Variants in CLCN6 observed in about 807,000 individuals in gnomAD.
CLCN6 encodes the protein Cl-/H+ antiporter 6, also known as H(+)/Cl(-) exchange transporter 6.
CLCN6 carries 70 observed loss-of-function variants against 109.8 expected under a neutral mutation model. The observed-to-expected ratio is 0.64, with a 90% CI of 0.53 to 0.78. The LOEUF is 0.78. CLCN6 is among the 30% of genes least tolerant of loss of function. The pLI is 0.00. For missense variants in CLCN6, 984 were observed against 1,142.3 expected, an observed-to-expected ratio of 0.86 and a Z score of 2.00; for synonymous variants, 444 against 447.8, an observed-to-expected ratio of 0.99 and a Z score of 0.11.
In CLCN6 at chr1:11,840,314, G is replaced by A. The variant is rs1046048766; in HGVS notation, c.*91G>A. On this transcript the variant is annotated 3_prime_UTR_variant, in exon 23 of 23. Transcript: ENST00000346436. The stretch of plus-strand genomic sequence containing the variant: ...GCTGGCTGGGGCTGTTCCGGGGCAT[G>A]GAAGATTCCCAGTCACCCACTCACT... 1.3e-5 allele frequency: 15 copies of A among 1,141,504 alleles called. No homozygotes were observed. In the African/African-American group the frequency reaches 1.5e-4, roughly 12 times the overall value. The allele number at this position is 1,141,504 out of a possible 1,614,324, so 70.7% of individuals were successfully genotyped here. A position where few individuals can be genotyped will look rare whatever the true frequency, so the allele number is the denominator to read the frequency against.
rs142274304 is a variant in CLCN6 at position 11,842,890 on chromosome 1, C to T, written c.*2667C>T. 3 of 152,394 alleles carry T rather than the reference C, an allele frequency of 2.0e-5. No individual in the cohort carries two copies. Among genetic ancestry groups the T allele is most frequent in the Non-Finnish European group, 2.9e-5 (2 of 68,058 alleles). The allele number at this position is 152,394 out of a possible 1,614,324, so 9.4% of individuals were successfully genotyped here. ...CCTTTCGAGAGGCCCAAGGTGGCCT[C>T]GCCAGCCCTGCAGTATTGATGTGCA... On this transcript the variant is annotated 3_prime_UTR_variant, in exon 23 of 23. Transcript: ENST00000346436.
At chr1:11,833,855 C>T (rs1570538242) in intron 14 of CLCN6, 22 bp from the exon 15 acceptor site, 1 of 1,601,620 alleles carries the variant, frequency 6.2e-7, no homozygotes, top group Non-Finnish European at 8.5e-7. Flanking sequence ...TAGTGGGACT[C>T]AGGTTGGCTC....
intron 9 of CLCN6, 91 bp downstream of exon 9, chr1:11,826,305 A>G (rs1644810795): frequency 7.2e-6 from 8 of 1,114,950 alleles, no homozygotes; most frequent in Non-Finnish European, 9.5e-6. Flanking sequence ...GCCTGGCAGT[A>G]TCCCCTGCGG....
intron 9 of CLCN6, 106 bp downstream of exon 9, chr1:11,826,320 A>G: frequency 1.1e-6 from 1 of 926,136 alleles, no homozygotes; most frequent in Non-Finnish European, 1.7e-6. Context: ...CTGCGGGGAA[A>G]CCCGACTGGG....
chr1:11,820,101 T>C (rs563551350), intron 5 of CLCN6, among the ~76,000 whole-genome samples: 23 of 152,344 alleles, frequency 1.5e-4, no homozygotes, highest in Non-Finnish European at 2.8e-4. Flanking sequence ...CATGGAACTT[T>C]GGTGAATGAC....
rs2100658502 is a variant in CLCN6 at position 11,837,106 on chromosome 1, T to C, written c.2088T>C (p.Ser696=). 6.2e-7 allele frequency: 1 copy of C among 1,613,382 alleles called. No individual in the cohort carries two copies. Among genetic ancestry groups the C allele is most frequent in the Non-Finnish European group, 8.5e-7 (1 of 1,180,004 alleles). The part of the protein sequence containing the change: ...LRNMCDEHIA[S]EEPAEKEDLL... ...ACATGTGTGATGAGCACATCGCCTCTGAGGAGCCAGCCGAGAAGGAGGACC... is the reference window on the plus strand; with the variant it reads ...ACATGTGTGATGAGCACATCGCCTCCGAGGAGCCAGCCGAGAAGGAGGACC... The change falls in exon 19 of 23, where the codon TCT becomes TCC. Residue 696 remains serine, a synonymous_variant. Transcript: ENST00000346436.
rs1054870809 is a variant in CLCN6, at chr1:11,840,303, T to C, written c.*80T>C. The C allele has an allele frequency of 4.0e-6, 5 of 1,239,326 alleles. No homozygotes were observed. In the African/African-American group the frequency reaches 7.4e-5, roughly 18 times the overall value. The allele number at this position is 1,239,326 out of a possible 1,614,324, so 76.8% of individuals were successfully genotyped here. A position where few individuals can be genotyped will look rare whatever the true frequency, so the allele number is the denominator to read the frequency against. On this transcript the variant is annotated 3_prime_UTR_variant, in exon 23 of 23. Transcript: ENST00000346436. ...CGGCGGGCACAGCTGGCTGGGGCTG[T>C]TCCGGGGCATGGAAGATTCCCAGTC...
chr1:11,829,113 G>C lies in CLCN6; in HGVS notation c.1122-83G>C. 4 of 1,525,892 alleles carry C rather than the reference G, an allele frequency of 2.6e-6. No individual in the cohort carries two copies. In the Admixed American group the frequency reaches 5.4e-5, roughly 21 times the overall value. The allele number at this position is 1,525,892 out of a possible 1,614,324, so 94.5% of individuals were successfully genotyped here. A position where few individuals can be genotyped will look rare whatever the true frequency, so the allele number is the denominator to read the frequency against. On this transcript the variant is annotated intron_variant, in intron 12 of 22. Coordinates refer to ENST00000346436, the MANE Select transcript of CLCN6 (RefSeq NM_001286.5). Reference sequence around the variant, plus strand: ...AATGCTGTTTGGAGAAATCGGGGCTGGGGGTAGGCAGGGTTATGTTTTGAA... The same window carrying C: ...AATGCTGTTTGGAGAAATCGGGGCTCGGGGTAGGCAGGGTTATGTTTTGAA...
chr1:11,806,829 C>T (rs1374445691), intron 1 of CLCN6: 2 of 408,440 alleles, frequency 4.9e-6, no homozygotes, highest in Non-Finnish European at 8.8e-6. Flanking sequence ...AGATACGTCA[C>T]ACTGTCAAAT....
intron 2 of CLCN6, among the ~76,000 whole-genome samples, chr1:11,812,406 A>T (rs1389042434): frequency 6.6e-6 from 1 of 150,664 alleles, no homozygotes; most frequent in Non-Finnish European, 1.5e-5. Context: ...AAGCTCTCTG[A>T]ACCTTGTCAT....
Position 11,816,328 on chromosome 1 carries a change from G to C in CLCN6, c.214-287G>C, listed in dbSNP as rs111847046. ...ACTTTATTGTGATATTTGCTTTATT[G>C]TGGTGGTCTAGAACCAAACCCATGC... is the stretch of plus-strand genomic sequence containing the variant. On this transcript the variant is annotated intron_variant, in intron 3 of 22. Coordinates refer to ENST00000346436, the MANE Select transcript of CLCN6 (RefSeq NM_001286.5). 3.6e-3 allele frequency among the ~76,000 whole-genome samples: 543 copies of C among 152,228 alleles called. 1 individual carries two copies. Among genetic ancestry groups the C allele is most frequent in the African/African-American group, 0.013 (525 of 41,518 alleles).
chr1:11,811,886 T>G (rs551715752), intron 2 of CLCN6, among the ~76,000 whole-genome samples: 3 of 152,194 alleles, frequency 2.0e-5, no homozygotes, highest in Non-Finnish European at 4.4e-5. Flanking sequence ...ATGAAGTACT[T>G]GACCAGTAAT....
chr1:11,830,187 G>T (rs547180631), intron 13 of CLCN6: 1 of 151,888 alleles, frequency 6.6e-6, no homozygotes, highest in Non-Finnish European at 1.5e-5. Flanking sequence ...GTGTTCTTTC[G>T]GTCCAACCCG....
At chr1:11,812,920 A>G (rs1054355650) in intron 2 of CLCN6, among the ~76,000 whole-genome samples, 1 of 152,138 alleles carries the variant, frequency 6.6e-6, no homozygotes, top group African/African-American at 2.4e-5. Flanking sequence ...ATTAAAACTC[A>G]TCTTACAGAG....
At chr1:11,821,093 A>AAC (rs1644736661) in intron 5 of CLCN6, among the ~76,000 whole-genome samples, 1 of 151,942 alleles carries the variant, frequency 6.6e-6, no homozygotes, top group African/African-American at 2.4e-5. Flanking sequence ...ACAACAAAAA[A>AAC]AAAAAACAAA....
chr1:11,829,308 T>C lies in CLCN6; in HGVS notation c.1234T>C (p.Ser412Pro). 1.2e-6 allele frequency: 2 copies of C among 1,614,130 alleles called. No homozygotes were observed. The highest frequency in any genetic ancestry group is 1.7e-6 in the Non-Finnish European group (2 of 1,179,996). Reference protein sequence around the residue: ...MSSSSQIGNDSFQLQVTEDVN... With the variant: ...MSSSSQIGNDPFQLQVTEDVN... ...CTCTTCGAGTCAAATCGGTAATGAC[T>C]CATTCCAGCTCCAGGTAACCCCAGT... The change falls in exon 13 of 23, where the codon TCA becomes CCA. Residue 412 changes from serine (S) to proline (P), a missense_variant. Ser to Pro is a moderately conservative substitution (Grantham distance 74, BLOSUM62 -1). Transcript: ENST00000346436.
rs772610040 is a variant in CLCN6 at position 11,834,512 on chromosome 1, A to G, written c.1715A>G (p.Asn572Ser). 2.3e-5 allele frequency: 37 copies of G among 1,614,044 alleles called. No homozygotes were observed. Among genetic ancestry groups the G allele is most frequent in the African/African-American group, 2.7e-5 (2 of 74,992 alleles). ...GCCAAATGGACAGGGGACTTTTTCA[A>G]TAAGGGCATTTATGATATCCACGTG... ...MVAKWTGDFF[N>S]KGIYDIHVGL... is the part of the protein sequence containing the mutation. The change falls in exon 17 of 23, where the codon AAT becomes AGT. Residue 572 changes from asparagine (N) to serine (S), a missense_variant. Physicochemically the swap from Asn to Ser is conservative, Grantham distance 46. Transcript: ENST00000346436. This position sits in a 1 kb window ranked among gnomAD's most constrained non-coding sequence, Gnocchi z 4.5.
At chr1:11,814,506 C>T (rs1294063255) in intron 2 of CLCN6, among the ~76,000 whole-genome samples, 1 of 152,022 alleles carries the variant, frequency 6.6e-6, no homozygotes, top group Admixed American at 6.6e-5. Context: ...CCTCAGCCTC[C>T]CAAAGTGCTG....
intron 5 of CLCN6, among the ~76,000 whole-genome samples, chr1:11,821,894 T>C (rs1429853772): frequency 1.3e-5 from 2 of 150,910 alleles, no homozygotes; most frequent in Non-Finnish European, 3.0e-5. Context: ...TTTAGACAAG[T>C]GAAAGTGAAC....
Sources: allele counts gnomAD v4.1 joint callset (sites outside exome capture counted in the v4.1 genomes callset), GRCh38; gene constraint gnomAD v4.1.1; non-coding constraint Gnocchi (gnomAD v3.1); transcripts MANE v1.5; gene names NCBI Gene and HGNC (gene_info 2026-07-23, HGNC 2026-07-21).